CTNND2: variants seen among roughly 807,000 people sequenced by gnomAD.
CTNND2 encodes the protein catenin delta 2.
A neutral mutation model predicts 144.4 loss-of-function variants in CTNND2; 22 were observed. The ratio of observed to expected loss-of-function variants is 0.15; its 90% confidence interval spans 0.11 to 0.22. The LOEUF (loss-of-function observed/expected upper bound fraction) is 0.22, where lower values mean the gene tolerates loss of function less well. CTNND2 is among the 10% of genes least tolerant of loss of function. The pLI is 1.00. For missense variants in CTNND2, 1,353 were observed against 1,618.8 expected (o/e 0.84, Z 2.82); for synonymous variants, 751 against 695.6 (o/e 1.08, Z -1.25).
intron 9 of CTNND2, among the ~76,000 whole-genome samples, chr5:11,338,614 T>C (rs942033180): frequency 6.6e-6 from 1 of 152,228 alleles, no homozygotes; most frequent in Admixed American, 6.5e-5. Flanking sequence ...TGTCTCTCAT[T>C]ACTCTTGACC....
chr5:11,324,782 T>C (rs1377424349), intron 9 of CTNND2, among the ~76,000 whole-genome samples: 2 of 152,178 alleles, frequency 1.3e-5, no homozygotes, highest in East Asian at 1.9e-4. Context: ...AGTTGGCCCA[T>C]TGTTTAAAAG....
At chr5:11,221,814 G>A (rs941269599) in intron 10 of CTNND2, among the ~76,000 whole-genome samples, 5 of 152,090 alleles carry the variant, frequency 3.3e-5, no homozygotes, top group East Asian at 1.9e-4. Context: ...GTGCTGAGTC[G>A]GTAGCAATAA....
In CTNND2 at chr5:10,992,574, C is replaced by T. The variant is rs113076343; in HGVS notation, c.3188G>A (p.Arg1063His). ...SSRTPSISPV[R>H]VSPNNRSASA... ...ACCTGAGCGGTTGTTGGGAGACACG[C>T]GCACAGGGGAGATGGAGGGCGTGCG... Residue 1063 changes from arginine to histidine, a missense_variant, in exon 19 of 22, where the codon CGC becomes CAC. Around this residue, in one of 4 missense-constraint regions of CTNND2, gnomAD observed 459 missense variants for 674.3 expected, o/e 0.68. Transcript: ENST00000304623. The T allele has an allele frequency of 1.3e-4, 213 of 1,613,922 alleles. No individual in the cohort carries two copies. The highest frequency in any genetic ancestry group is 1.7e-4 in the Non-Finnish European group (195 of 1,180,030).
intron 10 of CTNND2, among the ~76,000 whole-genome samples, chr5:11,234,499 G>A (rs1001379177): frequency 3.5e-4 from 53 of 152,134 alleles, no homozygotes; most frequent in Admixed American, 3.3e-3. Flanking sequence ...AAGCCAGCCC[G>A]GGAAGCTCAT....
intron 3 of CTNND2, among the ~76,000 whole-genome samples, chr5:11,480,650 G>A (rs1008434600): frequency 4.6e-5 from 7 of 151,042 alleles, no homozygotes; most frequent in Non-Finnish European, 8.9e-5. Context: ...ACATATATGT[G>A]TGTGTGTGTG....
intron 2 of CTNND2, among the ~76,000 whole-genome samples, chr5:11,572,522 G>T (rs1272874406): frequency 6.6e-6 from 1 of 152,054 alleles, no homozygotes; most frequent in African/African-American, 2.4e-5. Context: ...ACCTGTTCCT[G>T]CTGGTGGCTC....
At chr5:11,610,612 G>T (rs1780270966) in intron 2 of CTNND2, among the ~76,000 whole-genome samples, 1 of 152,146 alleles carries the variant, frequency 6.6e-6, no homozygotes, top group Non-Finnish European at 1.5e-5. Context: ...CTAGTTGGTA[G>T]TTTACAAGTT....
intron 2 of CTNND2, among the ~76,000 whole-genome samples, chr5:11,624,752 G>A (rs888046938): frequency 1.3e-5 from 2 of 151,952 alleles, no homozygotes; most frequent in Non-Finnish European, 2.9e-5. Flanking sequence ...ATTAACAGTT[G>A]GAACCCACAC....
At chr5:11,290,538 C>A (rs1228959331) in intron 9 of CTNND2, among the ~76,000 whole-genome samples, 2 of 152,114 alleles carry the variant, frequency 1.3e-5, no homozygotes, top group East Asian at 1.9e-4. Context: ...AAATGAGTGA[C>A]CTCATATGAA....
At chr5:11,876,274 CGGGGAGA>C (rs973223101) in intron 1 of CTNND2, among the ~76,000 whole-genome samples, 4 of 129,808 alleles carry the variant, frequency 3.1e-5, no homozygotes, top group Non-Finnish European at 6.5e-5. Flanking sequence ...GCAGGAAAGG[CGGGGAGA>C]GGGGAGAGTG....
chr5:11,366,475 C>T (rs1196168085), intron 7 of CTNND2, among the ~76,000 whole-genome samples: 1 of 152,092 alleles, frequency 6.6e-6, no homozygotes, highest in African/African-American at 2.4e-5. Context: ...AGATAGCGCT[C>T]CGATGAATGA....
chr5:11,754,760 A>C (rs1788831725), intron 1 of CTNND2, among the ~76,000 whole-genome samples: 1 of 151,750 alleles, frequency 6.6e-6, no homozygotes, highest in South Asian at 2.1e-4. Context: ...GTTTTGTCTG[A>C]AATTAGAATA....
chr5:11,258,220 T>G (rs1440205999), intron 9 of CTNND2, among the ~76,000 whole-genome samples: 3 of 152,146 alleles, frequency 2.0e-5, no homozygotes, highest in Admixed American at 6.5e-5. Flanking sequence ...TGCTGCATCT[T>G]CACAATGTCC....
At chr5:11,040,312 C>T (rs568725628) in intron 16 of CTNND2, among the ~76,000 whole-genome samples, 38 of 151,990 alleles carry the variant, frequency 2.5e-4, no homozygotes, top group African/African-American at 6.3e-4. Flanking sequence ...TTCACATGCC[C>T]GAATTGGTAA....
intron 2 of CTNND2, among the ~76,000 whole-genome samples, chr5:11,706,930 TA>T (rs1197616534): frequency 1.3e-5 from 2 of 151,470 alleles, no homozygotes; most frequent in East Asian, 1.9e-4. Flanking sequence ...CTAAAAAATA[TA>T]AAAAATTAGC....
chr5:11,602,694 G>A (rs1779858703), intron 2 of CTNND2, among the ~76,000 whole-genome samples: 1 of 142,204 alleles, frequency 7.0e-6, no homozygotes, highest in Non-Finnish European at 1.5e-5. Flanking sequence ...ATTATATATA[G>A]TATATATTTC....
chr5:11,288,880 G>C (rs1368856748), intron 9 of CTNND2, among the ~76,000 whole-genome samples: 1 of 151,966 alleles, frequency 6.6e-6, no homozygotes, highest in Non-Finnish European at 1.5e-5. Context: ...AAGAGATTCT[G>C]TACTGCAAGA....
intron 2 of CTNND2, among the ~76,000 whole-genome samples, chr5:11,674,456 CTCAT>C (rs889315392): frequency 3.9e-5 from 6 of 152,160 alleles, no homozygotes; most frequent in African/African-American, 1.4e-4. Flanking sequence ...TATAGCCTCC[CTCAT>C]TATCAACATC....
rs771438461 is a variant in CTNND2 at position 11,411,531 on chromosome 5, C to T, written c.439+5G>A. The T allele has an allele frequency of 1.3e-5, 19 of 1,477,350 alleles. 1 individual carries two copies. In the Admixed American group the frequency reaches 3.0e-4, roughly 23 times the overall value. The allele number at this position is 1,477,350 out of a possible 1,614,324, so 91.5% of individuals were successfully genotyped here. ...ATCTTCAAGCATAACTGCCACGTGA[C>T]TTACTTTCACCTGTAGAATAATCCT... On this transcript the variant is annotated splice_donor_5th_base_variant and intron_variant, in intron 5 of 21. Coordinates refer to ENST00000304623, the MANE Select transcript of CTNND2 (RefSeq NM_001332.4).
Sources: gnomAD v4.1 joint callset for allele counts (sites outside exome capture counted in the v4.1 genomes callset) on GRCh38, gnomAD v4.1.1 for gene constraint, gnomAD v4.1.1 regional missense constraint, MANE v1.5 for transcripts, NCBI Gene and HGNC (gene_info 2026-07-23, HGNC 2026-07-21) for gene names.